PLPPR5: variants seen among roughly 807,000 people sequenced by gnomAD.
PLPPR5 encodes phospholipid phosphatase related 5, also known as phospholipid phosphatase-related protein type 5.
In PLPPR5, 16 loss-of-function variants were observed where a neutral mutation model predicts 33.9. That is an observed-to-expected ratio of 0.47 (90% confidence interval 0.32 to 0.72). The LOEUF (loss-of-function observed/expected upper bound fraction) is 0.72, where lower values mean the gene tolerates loss of function less well. Ranked by LOEUF, PLPPR5 falls within the 30% of genes least tolerant of loss-of-function variation. The pLI is 0.03. For missense variants in PLPPR5, 301 were observed against 406.7 expected (o/e 0.74, Z 2.23); for synonymous variants, 163 against 150.3 (o/e 1.08, Z -0.62).
At chr1:98,971,835 C>G (rs1651673270) in intron 1 of PLPPR5, among the ~76,000 whole-genome samples, 1 of 152,012 alleles carries the variant, frequency 6.6e-6, no homozygotes, top group Admixed American at 6.6e-5. Flanking sequence ...CAGAATTAGT[C>G]TTTCTGACCC....
intron 1 of PLPPR5, among the ~76,000 whole-genome samples, chr1:98,990,703 G>A (rs534818482): frequency 3.3e-5 from 5 of 152,138 alleles, no homozygotes; most frequent in Non-Finnish European, 7.4e-5. Context: ...TAAAACTAAA[G>A]ACTTGAGTTT....
intron 1 of PLPPR5, among the ~76,000 whole-genome samples, chr1:98,989,866 C>A (rs2100759535): frequency 6.6e-6 from 1 of 152,270 alleles, no homozygotes; most frequent in East Asian, 1.9e-4. Flanking sequence ...CTCCTCTGCT[C>A]AGCTCATTGG....
intron 1 of PLPPR5, among the ~76,000 whole-genome samples, chr1:98,979,059 T>C (rs1174412977): frequency 6.6e-6 from 1 of 152,038 alleles, no homozygotes; most frequent in African/African-American, 2.4e-5. Context: ...GCATTTCACC[T>C]GATACTCATT....
chr1:98,924,707 T>C (rs1391932213), intron 3 of PLPPR5, among the ~76,000 whole-genome samples: 1 of 152,198 alleles, frequency 6.6e-6, no homozygotes, highest in Non-Finnish European at 1.5e-5. Context: ...GCTACATCCC[T>C]GTGAAGTTTC....
intron 1 of PLPPR5, among the ~76,000 whole-genome samples, chr1:98,993,894 G>A (rs1652541665): frequency 6.6e-6 from 1 of 152,118 alleles, no homozygotes; most frequent in Non-Finnish European, 1.5e-5. Flanking sequence ...ACTCAGCACA[G>A]AGGTTCTGGT....
chr1:98,960,510 C>A (rs1177865898), intron 1 of PLPPR5, among the ~76,000 whole-genome samples: 1 of 152,092 alleles, frequency 6.6e-6, no homozygotes, highest in East Asian at 1.9e-4. Context: ...AGCCTGCTCT[C>A]AGATAAATTC....
intron 1 of PLPPR5, among the ~76,000 whole-genome samples, chr1:98,992,522 A>T (rs989639967): frequency 2.6e-5 from 4 of 152,130 alleles, no homozygotes; most frequent in African/African-American, 9.6e-5. Flanking sequence ...AGAATTCAAA[A>T]TCTGTGCATC....
At chr1:98,964,097 C>T (rs982698167) in intron 1 of PLPPR5, among the ~76,000 whole-genome samples, 5 of 152,174 alleles carry the variant, frequency 3.3e-5, no homozygotes, top group Non-Finnish European at 7.3e-5. Flanking sequence ...CCTGGGGCAA[C>T]GAGCATAACT....
intron 1 of PLPPR5, among the ~76,000 whole-genome samples, chr1:98,976,477 A>G (rs1013272612): frequency 6.6e-6 from 1 of 152,052 alleles, no homozygotes; most frequent in Non-Finnish European, 1.5e-5. Flanking sequence ...AGTGCATATC[A>G]ATTCAATGGT....
intron 3 of PLPPR5, among the ~76,000 whole-genome samples, chr1:98,933,354 G>A (rs963453308): frequency 3.0e-4 from 45 of 151,976 alleles, no homozygotes; most frequent in African/African-American, 8.9e-4. Flanking sequence ...GTGGTGGCGC[G>A]TGCCTGTAGT....
intron 3 of PLPPR5, among the ~76,000 whole-genome samples, chr1:98,939,751 C>T (rs1008961514): frequency 2.0e-5 from 3 of 151,894 alleles, no homozygotes; most frequent in Non-Finnish European, 4.4e-5. Flanking sequence ...GCAGTCACAG[C>T]CGTGTGTATC....
intron 1 of PLPPR5, among the ~76,000 whole-genome samples, chr1:98,993,577 CA>C (rs1652532859): frequency 6.6e-6 from 1 of 151,948 alleles, no homozygotes; most frequent in Non-Finnish European, 1.5e-5. Flanking sequence ...ACATTGTCAC[CA>C]ACCCAAAAAT....
At chr1:98,983,193 C>T (rs1020097527) in intron 1 of PLPPR5, among the ~76,000 whole-genome samples, 2 of 149,436 alleles carry the variant, frequency 1.3e-5, no homozygotes, top group Non-Finnish European at 3.0e-5. Context: ...CCCACTAACT[C>T]GTCATCTAGC....
At chr1:98,907,127 A>G (rs1355073466) in intron 5 of PLPPR5, among the ~76,000 whole-genome samples, 1 of 151,088 alleles carries the variant, frequency 6.6e-6, no homozygotes, top group African/African-American at 2.4e-5. Context: ...CATTCATTTC[A>G]TATGTTTTCT....
intron 1 of PLPPR5, among the ~76,000 whole-genome samples, chr1:98,998,990 G>A (rs1314828796): frequency 6.6e-6 from 1 of 152,114 alleles, no homozygotes; most frequent in African/African-American, 2.4e-5. Flanking sequence ...AGCCCACTTG[G>A]ACAAACAGAG....
At chr1:98,957,821 G>T (rs1651070672) in intron 1 of PLPPR5, among the ~76,000 whole-genome samples, 1 of 152,118 alleles carries the variant, frequency 6.6e-6, no homozygotes, top group Non-Finnish European at 1.5e-5. Flanking sequence ...AGTTGCCCAA[G>T]AACAAGGTTC....
chr1:98,931,743 G>A (rs537583839), intron 3 of PLPPR5, among the ~76,000 whole-genome samples: 2 of 152,022 alleles, frequency 1.3e-5, no homozygotes, highest in African/African-American at 4.8e-5. Context: ...GGCCAGAGAG[G>A]TTAACGGGGG....
chr1:98,926,801 G>A (rs1557671926), intron 3 of PLPPR5, among the ~76,000 whole-genome samples: 1 of 152,122 alleles, frequency 6.6e-6, no homozygotes, highest in Non-Finnish European at 1.5e-5. Flanking sequence ...CTTTGCCCGA[G>A]ATCTGTTTAC....
intron 1 of PLPPR5, among the ~76,000 whole-genome samples, chr1:98,994,031 A>T (rs541824831): frequency 5.9e-5 from 9 of 152,210 alleles, no homozygotes; most frequent in African/African-American, 2.2e-4. Context: ...ATTTCCACAT[A>T]TTTCTTTGAA....
Sources: allele counts gnomAD v4.1 joint callset (sites outside exome capture counted in the v4.1 genomes callset), GRCh38; gene constraint gnomAD v4.1.1; transcripts MANE v1.5; gene names NCBI Gene and HGNC (gene_info 2026-07-23, HGNC 2026-07-21).